Variants in CHST9 observed in about 807,000 individuals in gnomAD.
The protein encoded by CHST9 is carbohydrate sulfotransferase 9.
Under a neutral mutation model 44.4 loss-of-function variants are expected in CHST9, and 41 were observed. The observed-to-expected ratio is 0.92, with a 90% CI of 0.72 to 1.20. CHST9 has a LOEUF of 1.20. Ranked by LOEUF, CHST9 falls within the 50% of genes most tolerant of loss-of-function variation. CHST9 has a pLI of 0.00. For synonymous variants in CHST9, 171 were observed against 178.4 expected (o/e 0.96, Z 0.33); for missense variants, 504 against 516.5 (o/e 0.98, Z 0.23).
intron 2 of CHST9, among the ~76,000 whole-genome samples, chr18:27,061,758 A>T (rs1281885822): frequency 6.6e-6 from 1 of 151,964 alleles, no homozygotes; most frequent in African/African-American, 2.4e-5. Context: ...ATGAAGGCAG[A>T]AAGAAAAGGG....
intron 4 of CHST9, among the ~76,000 whole-genome samples, chr18:26,976,148 C>T (rs1488462074): frequency 6.6e-6 from 1 of 151,768 alleles, no homozygotes; most frequent in Non-Finnish European, 1.5e-5. Flanking sequence ...ATTTTAAAAA[C>T]GCTGCCTGAA....
intron 2 of CHST9, among the ~76,000 whole-genome samples, chr18:27,087,323 G>A (rs2058022646): frequency 6.6e-6 from 1 of 152,146 alleles, no homozygotes; most frequent in South Asian, 2.1e-4. Flanking sequence ...CATCCCTGTT[G>A]ACAGTATCTG....
chr18:27,142,635 T>A, intron 2 of CHST9, 54 bp downstream of exon 2: 1 of 1,276,024 alleles, frequency 7.8e-7, no homozygotes, highest in East Asian at 2.7e-5. Flanking sequence ...TAATTTAATT[T>A]AAAAATAGCT....
chr18:27,126,311 G>C (rs1292041763), intron 2 of CHST9, among the ~76,000 whole-genome samples: 1 of 152,196 alleles, frequency 6.6e-6, no homozygotes, highest in Non-Finnish European at 1.5e-5. Context: ...TTGTGGCCAA[G>C]GAACACATAT....
chr18:27,179,067 TG>T (rs2058890402), intron 1 of CHST9, among the ~76,000 whole-genome samples: 1 of 13,326 alleles, frequency 7.5e-5, no homozygotes, highest in Admixed American at 5.9e-4. Flanking sequence ...TGCATACATG[TG>T]TGTGATAATG....
intron 2 of CHST9, among the ~76,000 whole-genome samples, chr18:27,065,327 T>C (rs1030856524): frequency 2.0e-5 from 3 of 152,290 alleles, no homozygotes; most frequent in African/African-American, 7.2e-5. Context: ...TGCAAATAGA[T>C]AGTATTAAAA....
In CHST9 at chr18:27,008,986, G is replaced by GCTCTCACTCTCGTCCTGTGCTCTTCT. The variant is rs2057051427; in HGVS notation, c.202+15104_202+15129dup. ...AAAACCAAAGGAATCACTTGCGAGT[G>GCTCTCACTCTCGTCCTGTGCTCTTCT]CTCTCACTCTCGTCCTGTGCTCTTC... On this transcript the variant is annotated intron_variant, in intron 4 of 5. Coordinates refer to ENST00000618847, the MANE Select transcript of CHST9 (RefSeq NM_031422.6). Among the ~76,000 whole-genome samples the GCTCTCACTCTCGTCCTGTGCTCTTCT allele has an allele frequency of 3.3e-5, 5 of 151,674 alleles. No individual in the cohort carries two copies. The South Asian group carries it at 1.0e-3, about 32-fold the overall frequency.
intron 1 of CHST9, among the ~76,000 whole-genome samples, chr18:27,171,525 T>TCTA (rs1287389853): frequency 6.6e-6 from 1 of 152,178 alleles, no homozygotes; most frequent in East Asian, 1.9e-4. Context: ...ATTGAAAGAT[T>TCTA]CTACATTTCA....
intron 1 of CHST9, among the ~76,000 whole-genome samples, chr18:27,147,076 T>G (rs1474315368): frequency 1.3e-5 from 2 of 152,078 alleles, no homozygotes; most frequent in Non-Finnish European, 1.5e-5. Flanking sequence ...TTATTTTTAT[T>G]TTTTTGAGAT....
chr18:27,091,094 C>T (rs146711713), intron 2 of CHST9, among the ~76,000 whole-genome samples: 1 of 152,104 alleles, frequency 6.6e-6, no homozygotes, highest in East Asian at 1.9e-4. Context: ...AATGTTCTTC[C>T]ATTTGTTTGT....
chr18:26,936,114 T>G (rs2055986547), intron 5 of CHST9: 1 of 152,178 alleles, frequency 6.6e-6, no homozygotes, highest in Non-Finnish European at 1.5e-5. Flanking sequence ...TAGATAGATA[T>G]CTGAGGGATC....
intron 1 of CHST9, among the ~76,000 whole-genome samples, chr18:27,169,969 G>T (rs1168144077): frequency 2.0e-5 from 3 of 152,194 alleles, no homozygotes; most frequent in Non-Finnish European, 4.4e-5. Context: ...TATATCAGCA[G>T]TATGAGTCCA....
chr18:26,991,029 A>C (rs1396982717), intron 4 of CHST9, among the ~76,000 whole-genome samples: 1 of 152,188 alleles, frequency 6.6e-6, no homozygotes, highest in Non-Finnish European at 1.5e-5. Context: ...GGGATTTGTA[A>C]GGTTGTGTGA....
At chr18:26,961,986 T>C (rs1164962724) in intron 4 of CHST9, among the ~76,000 whole-genome samples, 2 of 152,142 alleles carry the variant, frequency 1.3e-5, no homozygotes, top group Non-Finnish European at 2.9e-5. Context: ...CCTCTCAGTC[T>C]GGCAGGGAGA....
chr18:27,042,210 G>A (rs2057453172), intron 3 of CHST9, among the ~76,000 whole-genome samples: 1 of 152,108 alleles, frequency 6.6e-6, no homozygotes, highest in African/African-American at 2.4e-5. Flanking sequence ...TCTGTGTTAA[G>A]CCAGATGTGG....
intron 2 of CHST9, among the ~76,000 whole-genome samples, chr18:27,084,299 T>A (rs1168422501): frequency 6.6e-6 from 1 of 151,924 alleles, no homozygotes; most frequent in Non-Finnish European, 1.5e-5. Context: ...TCGGTAGGCA[T>A]TTTTATCACT....
chr18:27,061,474 A>G (rs1359622470), intron 2 of CHST9, among the ~76,000 whole-genome samples: 7 of 152,146 alleles, frequency 4.6e-5, no homozygotes, highest in African/African-American at 1.7e-4. Context: ...GCTCTCTTTC[A>G]CACACATCAC....
intron 4 of CHST9, among the ~76,000 whole-genome samples, chr18:26,968,023 G>A (rs1332745784): frequency 3.3e-5 from 5 of 152,218 alleles, no homozygotes; most frequent in African/African-American, 1.2e-4. Context: ...GCCGCAGACT[G>A]AAGGCTGCAC....
rs757999301 is a variant in CHST9, at chr18:27,111,342, G to A, written c.121+31347C>T. On this transcript the variant is annotated intron_variant, in intron 2 of 5. Transcript: ENST00000618847. The stretch of plus-strand genomic sequence containing the variant: ...GCATACATTGACCTTACAGGGTTTT[G>A]GAAATGCAAAAATGTGAAAGATTTA... 3.9e-5 allele frequency among the ~76,000 whole-genome samples: 6 copies of A among 152,070 alleles called. 1 individual carries two copies. Among genetic ancestry groups the A allele is most frequent in the African/African-American group, 9.7e-5 (4 of 41,414 alleles).
Sources: gnomAD v4.1 joint callset for allele counts (sites outside exome capture counted in the v4.1 genomes callset) on GRCh38, gnomAD v4.1.1 for gene constraint, MANE v1.5 for transcripts, NCBI Gene and HGNC (gene_info 2026-07-23, HGNC 2026-07-21) for gene names.